The following SH3PXD2B variants were observed in gnomAD, a reference collection of about 807,000 sequenced individuals.
SH3PXD2B encodes the protein SH3 and PX domains 2B, also known as SH3 and PX domain-containing protein 2B.
Under a neutral mutation model 73.1 loss-of-function variants are expected in SH3PXD2B, and 37 were observed. That is an observed-to-expected ratio of 0.51 (90% CI 0.39 to 0.67). SH3PXD2B has a LOEUF of 0.67. SH3PXD2B is among the 30% of genes least tolerant of loss of function. The probability of loss-of-function intolerance (pLI) is 0.00; values close to 1 mark genes in which losing one functional copy is unlikely to be tolerated. For missense variants in SH3PXD2B, 1,053 were observed against 1,197.8 expected (o/e 0.88, Z 1.78); for synonymous variants, 457 against 480.5 (o/e 0.95, Z 0.64).
intron 3 of SH3PXD2B, among the ~76,000 whole-genome samples, chr5:172,395,905 C>T (rs1239201782): frequency 1.3e-5 from 2 of 151,828 alleles, no homozygotes; most frequent in Non-Finnish European, 2.9e-5. Flanking sequence ...AGAGCTCTCT[C>T]TATTTCTGGT....
chr5:172,348,626 G>GTCTATCTATC (rs1561896273), intron 10 of SH3PXD2B, among the ~76,000 whole-genome samples: 2 of 92,552 alleles, frequency 2.2e-5, no homozygotes, highest in Admixed American at 1.1e-4. Context: ...ATCTATCTAT[G>GTCTATCTATC]TATCTATCTA....
intron 1 of SH3PXD2B, among the ~76,000 whole-genome samples, chr5:172,451,282 G>A (rs923076469): frequency 6.6e-6 from 1 of 152,246 alleles, no homozygotes; most frequent in Non-Finnish European, 1.5e-5. Flanking sequence ...CAAATGGGGA[G>A]AGGGGTAGTG....
Position 172,339,278 on chromosome 5 carries a change from C to G in SH3PXD2B, c.1827G>C (p.Lys609Asn). ...GHKVLAKEVKKPNLRPISKSK... is the reference protein window; with the variant it reads ...GHKVLAKEVKNPNLRPISKSK... Reference sequence around the variant, plus strand: ...ATTTGGAGATGGGCCGGAGGTTGGGCTTCTTCACTTCCTTGGCCAAGACCT... The same window carrying G: ...ATTTGGAGATGGGCCGGAGGTTGGGGTTCTTCACTTCCTTGGCCAAGACCT... Residue 609 changes from lysine to asparagine, a missense_variant, in exon 13 of 13, where the codon AAG becomes AAC. By Grantham distance (94) the Lys-to-Asn change is moderately conservative. Around this residue, in one of 2 missense-constraint regions of SH3PXD2B, gnomAD observed 587 missense variants for 590.7 expected, o/e 0.99. Coordinates refer to ENST00000311601, the MANE Select transcript of SH3PXD2B (RefSeq NM_001017995.3). The surrounding 1 kb of genome is among the most constrained non-coding windows in gnomAD (Gnocchi z 6.1). The G allele has an allele frequency of 1.2e-6, 2 of 1,614,190 alleles. No homozygotes were observed. Among genetic ancestry groups the G allele is most frequent in the South Asian group, 1.1e-5 (1 of 91,088 alleles).
chr5:172,364,133 A>C (rs1249166772), intron 6 of SH3PXD2B, among the ~76,000 whole-genome samples: 1 of 152,126 alleles, frequency 6.6e-6, no homozygotes, highest in Non-Finnish European at 1.5e-5. Context: ...ATAAATGAAA[A>C]GATAATGCAG....
intron 12 of SH3PXD2B, among the ~76,000 whole-genome samples, chr5:172,345,053 A>AAGGAAGG (rs369210273): frequency 1.4e-5 from 2 of 145,588 alleles, no homozygotes; most frequent in South Asian, 2.1e-4. Context: ...AAGGAAAACA[A>AAGGAAGG]AGGAAGGAGG....
intron 2 of SH3PXD2B, among the ~76,000 whole-genome samples, chr5:172,412,453 GC>G (rs1180989323): frequency 6.6e-6 from 1 of 152,214 alleles, no homozygotes; most frequent in East Asian, 1.9e-4. Context: ...ACAGTGCAGG[GC>G]TGGACTATCA....
At chr5:172,366,933 T>C (rs1422103112) in intron 6 of SH3PXD2B, among the ~76,000 whole-genome samples, 20 of 66,822 alleles carry the variant, frequency 3.0e-4, no homozygotes, top group Admixed American at 2.6e-3. Context: ...TGCCCGGCCA[T>C]TTTTTTTTTT....
Position 172,336,477 on chromosome 5 carries a change from ATGC to A in SH3PXD2B, c.*1889_*1891del, listed in dbSNP as rs1157148286. 2 of 985,992 alleles carry A rather than the reference ATGC, an allele frequency of 2.0e-6. No individual in the cohort carries two copies. The highest frequency in any genetic ancestry group is 2.4e-6 in the Non-Finnish European group (2 of 830,016). The allele number at this position is 985,992 out of a possible 1,614,324, so 61.1% of individuals were successfully genotyped here. On this transcript the variant is annotated 3_prime_UTR_variant, in exon 13 of 13. Transcript: ENST00000311601. ...GGCCGACTGGACGAAGGCACTAAAG[ATGC>A]TACAGGTGATCAGAGGAAGCTCCTC... is the stretch of plus-strand genomic sequence containing the variant.
At chr5:172,386,587 T>A (rs1758065011) in intron 4 of SH3PXD2B, among the ~76,000 whole-genome samples, 1 of 151,956 alleles carries the variant, frequency 6.6e-6, no homozygotes, top group Non-Finnish European at 1.5e-5. Context: ...GTTTTATTGT[T>A]TTTATTTTTA....
Position 172,411,042 on chromosome 5 carries a change from T to C in SH3PXD2B, c.157-4690A>G, listed in dbSNP as rs1314969754. The stretch of plus-strand genomic sequence containing the variant: ...TCAGCCTGAGATGAGGTAAGTTTAA[T>C]ATTCTGTGCACATGTGAACAGCATG... On this transcript the variant is annotated intron_variant, in intron 2 of 12. Coordinates refer to ENST00000311601, the MANE Select transcript of SH3PXD2B (RefSeq NM_001017995.3). Among the ~76,000 whole-genome samples the C allele has an allele frequency of 3.9e-5, 6 of 152,234 alleles. 1 individual carries two copies. Among genetic ancestry groups the C allele is most frequent in the Middle Eastern group, 6.3e-3 (2 of 316 alleles).
chr5:172,341,266 T>A (rs1756842934), intron 12 of SH3PXD2B, among the ~76,000 whole-genome samples: 1 of 152,122 alleles, frequency 6.6e-6, no homozygotes, highest in African/African-American at 2.4e-5. Flanking sequence ...TTAAAATGGA[T>A]CATTAAGGTG....
At chr5:172,444,346 C>G (rs1281264607) in intron 1 of SH3PXD2B, among the ~76,000 whole-genome samples, 2 of 152,142 alleles carry the variant, frequency 1.3e-5, no homozygotes, top group African/African-American at 4.8e-5. Context: ...AGCTTTCCCC[C>G]TGATTCTGAC....
chr5:172,417,582 G>A (rs1241743802), intron 2 of SH3PXD2B, among the ~76,000 whole-genome samples: 1 of 152,162 alleles, frequency 6.6e-6, no homozygotes, highest in Admixed American at 6.5e-5. Flanking sequence ...AAGATCTCAT[G>A]GCCAGCAAGT....
In SH3PXD2B at chr5:172,334,749, G is replaced by A. The variant is rs1195414444; in HGVS notation, c.*3620C>T. The A allele has an allele frequency of 1.7e-5, 17 of 985,264 alleles. No homozygotes were observed. The highest frequency in any genetic ancestry group is 5.2e-5 in the African/African-American group (3 of 57,216). 61.0% of individuals were successfully genotyped at this position (985,264 alleles called of 1,614,324 possible). A position where few individuals can be genotyped will look rare whatever the true frequency, so the allele number is the denominator to read the frequency against. ...TCTGTGCTGGGTACTTGGGAGAGGC[G>A]AAATAAATACCAGACTGTCCACTCC... On this transcript the variant is annotated 3_prime_UTR_variant, in exon 13 of 13. Transcript: ENST00000311601.
intron 10 of SH3PXD2B, among the ~76,000 whole-genome samples, chr5:172,348,427 C>T (rs1044994758): frequency 6.6e-5 from 10 of 151,744 alleles, no homozygotes; most frequent in South Asian, 2.1e-4. Context: ...CGTTCTGGAC[C>T]GAGGGATGAG....
downstream of SH3PXD2B, among the ~76,000 whole-genome samples, chr5:172,329,540 C>CTTTTTTTTTTTTTTTTTTTTTTTTTT (rs370876232): frequency 4.2e-4 from 45 of 106,440 alleles, 6 homozygotes; most frequent in East Asian, 9.1e-4. Context: ...CTTTGTTATT[C>CTTTTTTTTTTTTTTTTTTTTTTTTTT]TTTTTTTTTT....
At chr5:172,398,823 C>T (rs910498076) in intron 3 of SH3PXD2B, among the ~76,000 whole-genome samples, 1 of 152,178 alleles carries the variant, frequency 6.6e-6, no homozygotes, top group Non-Finnish European at 1.5e-5. Flanking sequence ...GGACTGACCC[C>T]TGAGGCTTCA....
In SH3PXD2B at chr5:172,348,711, T is replaced by TATCCTATCTATCTATCTATC. The variant is rs1561896964; in HGVS notation, c.1013-1380_1013-1379insGATAGATAGATAGATAGGAT. Among the ~76,000 whole-genome samples, 14 of 36,958 alleles carry TATCCTATCTATCTATCTATC rather than the reference T, an allele frequency of 3.8e-4. No homozygotes were observed. In the East Asian group the frequency reaches 0.015, roughly 40 times the overall value. The allele number at this position is 36,958 out of a possible 152,430, so 24.2% of individuals were successfully genotyped here. On this transcript the variant is annotated intron_variant, in intron 10 of 12. Transcript: ENST00000311601. ...TCTATCTATCTATCTATCTATCTAT[T>TATCCTATCTATCTATCTATC]TATTTATTTTTGAGGGACAGGGTCT...
chr5:172,362,922 C>A lies in SH3PXD2B; in HGVS notation c.428-53G>T, dbSNP rs1581275789. On this transcript the variant is annotated intron_variant, in intron 6 of 12. Coordinates refer to ENST00000311601, the MANE Select transcript of SH3PXD2B (RefSeq NM_001017995.3). ...TGGCCACCACTCATGCATGAAAGAG[C>A]AGGAGTCAGAGCAGTAGGGCGGGTC... The A allele has an allele frequency of 4.3e-6, 7 of 1,612,090 alleles. No individual in the cohort carries two copies. In the East Asian group the frequency reaches 1.6e-4, roughly 36 times the overall value.
Sources: allele counts gnomAD v4.1 joint callset (sites outside exome capture counted in the v4.1 genomes callset), GRCh38; gene constraint gnomAD v4.1.1; regional missense constraint gnomAD v4.1.1; non-coding constraint Gnocchi (gnomAD v3.1); transcripts MANE v1.5; gene names NCBI Gene and HGNC (gene_info 2026-07-23, HGNC 2026-07-21).